The following NFAM1 variants were observed in gnomAD, a reference collection of about 807,000 sequenced individuals.
The protein encoded by NFAM1 is NFAT activating protein with ITAM motif 1.
A neutral mutation model predicts 29.0 loss-of-function variants in NFAM1; 17 were observed. The ratio of observed to expected loss-of-function variants is 0.59; its 90% CI spans 0.40 to 0.88. The LOEUF (loss-of-function observed/expected upper bound fraction) is 0.88, where lower values mean the gene tolerates loss of function less well. Ranked by LOEUF, NFAM1 falls within the 40% of genes least tolerant of loss-of-function variation. The pLI, the probability that NFAM1 is intolerant of heterozygous loss-of-function variation, is 0.00. For missense variants in NFAM1, 324 were observed against 344.6 expected, an observed-to-expected ratio of 0.94 and a Z score of 0.47; for synonymous variants, 175 against 147.2, an observed-to-expected ratio of 1.19 and a Z score of -1.36.
chr22:42,397,993 G>T, intron 3 of NFAM1, 37 bp from the exon 4 acceptor site: 1 of 1,185,732 alleles, frequency 8.4e-7, no homozygotes, highest in Non-Finnish European at 1.2e-6. Context: ...GGGATGAGTG[G>T]CTCTCGTCTT....
chr22:42,428,380 G>A (rs112700209), intron 1 of NFAM1, among the ~76,000 whole-genome samples: 2 of 152,234 alleles, frequency 1.3e-5, no homozygotes, highest in South Asian at 2.1e-4. Flanking sequence ...GGTCCGGAGC[G>A]GCGGGAAGGG....
At chr22:42,399,865 G>T (rs752099191) in intron 3 of NFAM1, among the ~76,000 whole-genome samples, 11 of 152,238 alleles carry the variant, frequency 7.2e-5, no homozygotes, top group African/African-American at 1.2e-4. Context: ...TTTACTGCGG[G>T]ATTAGCTGCT....
chr22:42,397,346 G>T (rs1162443048), intron 4 of NFAM1, among the ~76,000 whole-genome samples: 1 of 152,160 alleles, frequency 6.6e-6, no homozygotes, highest in Non-Finnish European at 1.5e-5. Context: ...GGGTCCCAAC[G>T]CATGTCTGCG....
upstream of NFAM1, chr22:42,437,126 A>AT (rs1010165151): frequency 1.6e-4 from 36 of 229,838 alleles, 1 homozygote; most frequent in South Asian, 5.7e-3. Flanking sequence ...AGGTGGCATG[A>AT]TTTTTTCTTT....
upstream of NFAM1, among the ~76,000 whole-genome samples, chr22:42,433,828 C>T (rs1041532881): frequency 3.9e-5 from 6 of 152,210 alleles, no homozygotes; most frequent in South Asian, 4.1e-4. Context: ...CGCTGCTTCA[C>T]GCTATTCCTG....
chr22:42,405,114 G>C (rs1042473269), intron 3 of NFAM1, among the ~76,000 whole-genome samples: 1 of 152,172 alleles, frequency 6.6e-6, no homozygotes, highest in African/African-American at 2.4e-5. Context: ...GGAGGGGAGG[G>C]AGCAGGGACC....
intron 3 of NFAM1, among the ~76,000 whole-genome samples, chr22:42,399,405 C>T (rs1212260533): frequency 1.3e-5 from 2 of 148,904 alleles, no homozygotes; most frequent in Non-Finnish European, 3.0e-5. Flanking sequence ...CGAGATCACA[C>T]CATTGCACTC....
intron 1 of NFAM1, among the ~76,000 whole-genome samples, chr22:42,421,375 G>A (rs149039353): frequency 6.6e-6 from 1 of 150,982 alleles, no homozygotes; most frequent in Non-Finnish European, 1.5e-5. Flanking sequence ...AACCTGGGAG[G>A]CAGAGGTTGC....
intron 1 of NFAM1, 109 bp downstream of exon 1, chr22:42,432,128 G>T: frequency 2.0e-6 from 2 of 1,008,154 alleles, no homozygotes; most frequent in Non-Finnish European, 3.0e-6. Context: ...ACGACAACCA[G>T]CAAATCCCCA....
chr22:42,399,514 A>G (rs1194217095), intron 3 of NFAM1, among the ~76,000 whole-genome samples: 1 of 151,078 alleles, frequency 6.6e-6, no homozygotes, highest in African/African-American at 2.4e-5. Context: ...GTGGCCCGAG[A>G]GAGGAGCCTG....
chr22:42,421,445 CAAAAAA>C (rs202030633), intron 1 of NFAM1, among the ~76,000 whole-genome samples: 5 of 112,604 alleles, frequency 4.4e-5, no homozygotes, highest in African/African-American at 9.6e-5. Flanking sequence ...AACTCTGTCT[CAAAAAA>C]AAAAAAAAAA....
chr22:42,388,745 G>A lies in NFAM1; in HGVS notation c.664-1667C>T, dbSNP rs903923718. On this transcript the variant is annotated intron_variant, in intron 4 of 5. Coordinates refer to ENST00000329021, the MANE Select transcript of NFAM1 (RefSeq NM_145912.8). This position sits in a 1 kb window ranked among gnomAD's most constrained non-coding sequence, Gnocchi z 4.1. ...CACTTGGGAGACCCTCACTTCAAGGGCATCAGACATGGGGATGGTGGGGCG... is the reference window on the plus strand; with the variant it reads ...CACTTGGGAGACCCTCACTTCAAGGACATCAGACATGGGGATGGTGGGGCG... Among the ~76,000 whole-genome samples the A allele has an allele frequency of 3.3e-5, 5 of 152,198 alleles. No homozygotes were observed. The highest frequency in any genetic ancestry group is 1.2e-4 in the African/African-American group (5 of 41,448).
At chr22:42,431,286 CTG>C (rs1930788543) in intron 1 of NFAM1, among the ~76,000 whole-genome samples, 2 of 152,112 alleles carry the variant, frequency 1.3e-5, no homozygotes, top group Non-Finnish European at 2.9e-5. Flanking sequence ...AGTACGTGCC[CTG>C]CTAAGGGCTC....
At chr22:42,386,513 C>T (rs1239378686) in intron 5 of NFAM1, among the ~76,000 whole-genome samples, 2 of 152,054 alleles carry the variant, frequency 1.3e-5, no homozygotes, top group African/African-American at 2.4e-5. Context: ...CCTGACCAGG[C>T]CAGCCCAGCT....
intron 2 of NFAM1, 57 bp downstream of exon 2, chr22:42,411,350 C>T: frequency 7.3e-7 from 1 of 1,364,486 alleles, no homozygotes; most frequent in Non-Finnish European, 1.0e-6. Context: ...AAGTCCCAAA[C>T]TGCCATTTGA....
chr22:42,434,285 C>A (rs1396268206), upstream of NFAM1, among the ~76,000 whole-genome samples: 1 of 152,166 alleles, frequency 6.6e-6, no homozygotes, highest in Admixed American at 6.5e-5. Context: ...CAGGGAGAAG[C>A]CTTCCTCCAG....
intron 3 of NFAM1, among the ~76,000 whole-genome samples, chr22:42,405,898 C>T (rs1046330278): frequency 1.3e-5 from 2 of 152,160 alleles, no homozygotes; most frequent in South Asian, 2.1e-4. Flanking sequence ...CTGACCCAGA[C>T]GTTGGCTCAC....
intron 3 of NFAM1, among the ~76,000 whole-genome samples, chr22:42,406,621 T>C: frequency 6.6e-6 from 1 of 152,102 alleles, no homozygotes; most frequent in South Asian, 2.1e-4. Context: ...TCATTCCAGG[T>C]GCTTCTCCAT....
intron 3 of NFAM1, among the ~76,000 whole-genome samples, chr22:42,399,424 G>C (rs1929647318): frequency 7.0e-6 from 1 of 143,040 alleles, no homozygotes; most frequent in East Asian, 2.0e-4. Context: ...TCCAGCCTGG[G>C]AGACAGAGCG....
Sources: gnomAD v4.1 joint callset for allele counts (sites outside exome capture counted in the v4.1 genomes callset) on GRCh38, gnomAD v4.1.1 for gene constraint, Gnocchi (gnomAD v3.1) non-coding constraint, MANE v1.5 for transcripts, NCBI Gene and HGNC (gene_info 2026-07-23, HGNC 2026-07-21) for gene names.